ATP8A1: variants seen among roughly 807,000 people sequenced by gnomAD.
The protein encoded by ATP8A1 is ATPase phospholipid transporting 8A1.
Under a neutral mutation model 177.7 loss-of-function variants are expected in ATP8A1, and 90 were observed. That is an observed-to-expected ratio of 0.51 (90% CI 0.43 to 0.60). ATP8A1 has a LOEUF of 0.60. Among genes scored for constraint, ATP8A1 ranks in the 20% least tolerant of loss-of-function variants. The pLI is 0.00. For missense variants in ATP8A1, 1,072 were observed against 1,392.8 expected, an observed-to-expected ratio of 0.77 and a Z score of 3.67; for synonymous variants, 493 against 485.9, an observed-to-expected ratio of 1.01 and a Z score of -0.19.
At chr4:42,584,699 T>C (rs1733442782) in intron 9 of ATP8A1, among the ~76,000 whole-genome samples, 1 of 152,228 alleles carries the variant, frequency 6.6e-6, no homozygotes, top group African/African-American at 2.4e-5. Flanking sequence ...CCTTTCATTC[T>C]CAGTTATTTC....
intron 20 of ATP8A1, among the ~76,000 whole-genome samples, chr4:42,527,061 G>T (rs1726743696): frequency 6.6e-6 from 1 of 152,184 alleles, no homozygotes; most frequent in East Asian, 1.9e-4. Context: ...GAAGCTGGTT[G>T]GTTGCTCCTA....
intron 13 of ATP8A1, 94 bp from the exon 14 acceptor site, chr4:42,574,801 G>T: frequency 1.3e-6 from 1 of 777,632 alleles, no homozygotes. Context: ...AACATTGCAG[G>T]GGCACAATGA....
chr4:42,527,274 C>A (rs915156762), intron 20 of ATP8A1, among the ~76,000 whole-genome samples: 1 of 152,142 alleles, frequency 6.6e-6, no homozygotes, highest in African/African-American at 2.4e-5. Flanking sequence ...AAGGTGCATG[C>A]GTAGCCTCAA....
intron 20 of ATP8A1, among the ~76,000 whole-genome samples, chr4:42,538,844 T>C (rs991615307): frequency 6.6e-6 from 1 of 152,204 alleles, no homozygotes; most frequent in African/African-American, 2.4e-5. Flanking sequence ...TGGAAAACAG[T>C]GTGGAGATTC....
At chr4:42,591,527 A>G (rs1034066086) in intron 6 of ATP8A1, among the ~76,000 whole-genome samples, 4 of 152,178 alleles carry the variant, frequency 2.6e-5, no homozygotes, top group African/African-American at 9.7e-5. Flanking sequence ...CTTTTGAGTT[A>G]CTTAGCAATT....
At chr4:42,519,535 T>C (rs1725894817) in intron 22 of ATP8A1, among the ~76,000 whole-genome samples, 1 of 152,244 alleles carries the variant, frequency 6.6e-6, no homozygotes, top group Admixed American at 6.5e-5. Context: ...TTTGGGTTCC[T>C]TAAGATTTCT....
intron 16 of ATP8A1, among the ~76,000 whole-genome samples, chr4:42,555,114 TA>T (rs1729953010): frequency 2.1e-5 from 2 of 95,732 alleles, no homozygotes; most frequent in Non-Finnish European, 4.2e-5. Flanking sequence ...TCTATCTATC[TA>T]TCTATCTATC....
At chr4:42,427,446 C>T (rs1714752169) in intron 33 of ATP8A1, among the ~76,000 whole-genome samples, 1 of 152,142 alleles carries the variant, frequency 6.6e-6, no homozygotes, top group Non-Finnish European at 1.5e-5. Flanking sequence ...AGAACACTGA[C>T]AAATTAGATC....
chr4:42,592,455 C>G (rs942248717), intron 6 of ATP8A1, among the ~76,000 whole-genome samples: 1 of 151,950 alleles, frequency 6.6e-6, no homozygotes. Context: ...GCAGTATAGT[C>G]GATTATCTTC....
At position 42,564,135 on chromosome 4, in the gene ATP8A1, C is replaced by T. The variant is rs762269428; in HGVS notation, c.1340+5026G>A. Among the ~76,000 whole-genome samples, 8 of 152,256 alleles carry T rather than the reference C, an allele frequency of 5.3e-5. 1 individual carries two copies. Among genetic ancestry groups the T allele is most frequent in the Admixed American group, 3.9e-4 (6 of 15,302 alleles). ...GAAAATTGAGGTTTGGAAACCTCTG[C>T]CTAGACCTCAGAAGATGTATGAAAA... On this transcript the variant is annotated intron_variant, in intron 15 of 36. Coordinates refer to ENST00000381668, the MANE Select transcript of ATP8A1 (RefSeq NM_006095.2).
chr4:42,419,947 G>C (rs149241466), intron 35 of ATP8A1, among the ~76,000 whole-genome samples: 2 of 151,924 alleles, frequency 1.3e-5, no homozygotes, highest in African/African-American at 4.8e-5. Context: ...AGGTTGCAGT[G>C]AGCCGAGATT....
At chr4:42,628,367 T>C (rs1209579191) in intron 1 of ATP8A1, among the ~76,000 whole-genome samples, 1 of 152,154 alleles carries the variant, frequency 6.6e-6, no homozygotes, top group Non-Finnish European at 1.5e-5. Flanking sequence ...AACGGTGTCA[T>C]GTGTGCAGGG....
At chr4:42,523,507 G>A (rs1272601509) in intron 21 of ATP8A1, among the ~76,000 whole-genome samples, 3 of 152,152 alleles carry the variant, frequency 2.0e-5, no homozygotes, top group Admixed American at 1.3e-4. Flanking sequence ...ACTGAGAGTG[G>A]AACTTAAATC....
chr4:42,427,253 G>A (rs1338449573), intron 33 of ATP8A1, among the ~76,000 whole-genome samples: 1 of 152,182 alleles, frequency 6.6e-6, no homozygotes, highest in Non-Finnish European at 1.5e-5. Flanking sequence ...AAAAAACTGG[G>A]AGAATGACTA....
chr4:42,636,951 G>A (rs1739455309), intron 1 of ATP8A1, among the ~76,000 whole-genome samples: 1 of 152,186 alleles, frequency 6.6e-6, no homozygotes, highest in African/African-American at 2.4e-5. Context: ...AGCGTTTCAT[G>A]TGATTCCAGG....
chr4:42,478,772 G>C (rs144374099), intron 25 of ATP8A1, among the ~76,000 whole-genome samples: 1 of 152,268 alleles, frequency 6.6e-6, no homozygotes, highest in East Asian at 1.9e-4. Flanking sequence ...CTGTCCTGCT[G>C]CTATGTGTAA....
At chr4:42,622,056 C>T (rs1185453165) in intron 4 of ATP8A1, among the ~76,000 whole-genome samples, 3 of 152,096 alleles carry the variant, frequency 2.0e-5, no homozygotes, top group Non-Finnish European at 4.4e-5. Flanking sequence ...ACATCATATA[C>T]AAAACTCATC....
chr4:42,499,558 T>A (rs541491164), intron 24 of ATP8A1, among the ~76,000 whole-genome samples: 2 of 152,260 alleles, frequency 1.3e-5, no homozygotes, highest in African/African-American at 4.8e-5. Flanking sequence ...TGATGGCCCC[T>A]CCCACCCACT....
chr4:42,465,539 C>T (rs980649310), intron 25 of ATP8A1, among the ~76,000 whole-genome samples: 1 of 152,186 alleles, frequency 6.6e-6, no homozygotes, highest in African/African-American at 2.4e-5. Flanking sequence ...TTCTCAGACA[C>T]CATGGAAAAT....
Sources: gnomAD v4.1 joint callset for allele counts (sites outside exome capture counted in the v4.1 genomes callset) on GRCh38, gnomAD v4.1.1 for gene constraint, MANE v1.5 for transcripts, NCBI Gene and HGNC (gene_info 2026-07-23, HGNC 2026-07-21) for gene names.